EDARADD: variants seen among roughly 807,000 people sequenced by gnomAD.
EDARADD encodes EDAR associated via death domain.
EDARADD carries 20 observed loss-of-function variants against 25.6 expected under a neutral mutation model. The ratio of observed to expected loss-of-function variants is 0.78; its 90% confidence interval spans 0.55 to 1.14. The LOEUF is 1.14. Among genes scored for constraint, EDARADD ranks in the 50% most tolerant of loss-of-function variants. The pLI is 0.00. For missense variants in EDARADD, 225 were observed against 270.1 expected (o/e 0.83, Z 1.17); for synonymous variants, 86 against 94.4 (o/e 0.91, Z 0.52).
intron 3 of EDARADD, among the ~76,000 whole-genome samples, chr1:236,426,188 A>G (rs1657915063): frequency 6.6e-6 from 1 of 152,044 alleles, no homozygotes; most frequent in African/African-American, 2.4e-5. Flanking sequence ...TGGGTTGCCC[A>G]GGCTGCTCTT....
At chr1:236,404,097 C>T (rs1014858011) in intron 1 of EDARADD, among the ~76,000 whole-genome samples, 2 of 152,202 alleles carry the variant, frequency 1.3e-5, no homozygotes, top group Non-Finnish European at 2.9e-5. Context: ...GCCTTGTCTC[C>T]GATGGGCTCA....
intron 3 of EDARADD, among the ~76,000 whole-genome samples, chr1:236,373,195 G>A (rs186638467): frequency 6.0e-5 from 9 of 148,870 alleles, no homozygotes; most frequent in Non-Finnish European, 8.9e-5. Context: ...GATTACAGGC[G>A]TGAGCCACCA....
In EDARADD at chr1:236,409,552, T is replaced by A. The variant is rs12084335; in HGVS notation, c.120+278T>A. ...TTTACCCACTTCCCTGGTTTTTTTT[T>A]ATTTCATTTTTCATTTTTATTTTTT... On this transcript the variant is annotated intron_variant, in intron 2 of 5. Coordinates refer to ENST00000334232, the MANE Select transcript of EDARADD (RefSeq NM_145861.4). Among the ~76,000 whole-genome samples the A allele has an allele frequency of 9.1e-3, 1,378 of 151,838 alleles. 14 individuals are homozygous for A. Among genetic ancestry groups the A allele is most frequent in the African/African-American group, 0.028 (1,139 of 41,232 alleles).
intron 4 of EDARADD, among the ~76,000 whole-genome samples, chr1:236,450,571 CAG>C (rs1451152800): frequency 2.1e-5 from 2 of 95,560 alleles, no homozygotes; most frequent in Non-Finnish European, 3.7e-5. Flanking sequence ...TTCTTTGAGA[CAG>C]AGTCTTGCTC....
chr1:236,353,981 C>T (rs1355385475), intron 3 of EDARADD, among the ~76,000 whole-genome samples: 1 of 152,020 alleles, frequency 6.6e-6, no homozygotes, highest in Admixed American at 6.6e-5. Flanking sequence ...ATTTAAAGCT[C>T]GTTAGTTCTC....
chr1:236,393,126 C>T (rs1192474627), upstream of EDARADD, among the ~76,000 whole-genome samples: 4 of 152,142 alleles, frequency 2.6e-5, no homozygotes, highest in African/African-American at 9.7e-5. Flanking sequence ...TTCTCACAAT[C>T]CTGCAGACAC....
At chr1:236,448,525 C>T (rs1040972684) in intron 4 of EDARADD, among the ~76,000 whole-genome samples, 32 of 152,264 alleles carry the variant, frequency 2.1e-4, no homozygotes, top group African/African-American at 6.7e-4. Flanking sequence ...CTCCCAAAAC[C>T]CTTTCCCCAT....
At chr1:236,454,018 G>C (rs182313503) in intron 4 of EDARADD, among the ~76,000 whole-genome samples, 3 of 151,730 alleles carry the variant, frequency 2.0e-5, no homozygotes, top group Admixed American at 2.0e-4. Flanking sequence ...TATTTCCAAG[G>C]ATGCAGAGTT....
In EDARADD at chr1:236,453,007, C is replaced by T. The variant is rs78787141; in HGVS notation, c.220-15224C>T. On this transcript the variant is annotated intron_variant, in intron 4 of 5. Transcript: ENST00000334232. ...TGTCACGATGTGAGTACTTGCCCCC[C>T]ACTCCCACATAAGGTTGTATCTTTC... 3.0e-3 allele frequency among the ~76,000 whole-genome samples: 460 copies of T among 152,290 alleles called. 3 individuals carry two copies. Among genetic ancestry groups the T allele is most frequent in the African/African-American group, 0.01 (432 of 41,554 alleles).
At chr1:236,416,169 C>T (rs1241736387) in intron 3 of EDARADD, among the ~76,000 whole-genome samples, 1 of 152,208 alleles carries the variant, frequency 6.6e-6, no homozygotes, top group Non-Finnish European at 1.5e-5. Flanking sequence ...TCTCTGTTTC[C>T]TCCTCAGCAC....
chr1:236,445,234 C>CTTTTTTTTTTTTTT lies in EDARADD; in HGVS notation c.219+17795_219+17796insTTTTTTTTTTTTTT, dbSNP rs61333307. ...TGCATTAGCTGGGACATAATAAATTCTTTTTTTTTTTGAGACAGAGTCTTG... is the reference window on the plus strand; with the variant it reads ...TGCATTAGCTGGGACATAATAAATTCTTTTTTTTTTTTTTTTTTTTTTTTTGAGACAGAGTCTTG... On this transcript the variant is annotated intron_variant, in intron 4 of 5. Transcript: ENST00000334232. Among the ~76,000 whole-genome samples, 166 of 89,680 alleles carry CTTTTTTTTTTTTTT rather than the reference C, an allele frequency of 1.9e-3. 35 individuals are homozygous for CTTTTTTTTTTTTTT. The highest frequency in any genetic ancestry group is 5.1e-3 in the African/African-American group (143 of 28,302). The allele number at this position is 89,680 out of a possible 152,430, so 58.8% of individuals were successfully genotyped here.
chr1:236,402,087 G>T (rs1282352297), intron 1 of EDARADD, among the ~76,000 whole-genome samples: 8 of 152,130 alleles, frequency 5.3e-5, no homozygotes, highest in Non-Finnish European at 1.0e-4. Context: ...TCAGCTTCCT[G>T]AGTAGCTGAG....
intron 3 of EDARADD, among the ~76,000 whole-genome samples, chr1:236,376,088 C>G (rs2102994774): frequency 6.6e-6 from 1 of 151,982 alleles, no homozygotes; most frequent in East Asian, 2.0e-4. Flanking sequence ...GCATGCACCA[C>G]CATGCCCAGC....
At position 236,483,279 on chromosome 1, in the gene EDARADD, G is replaced by A; in HGVS notation, c.*630G>A. On this transcript the variant is annotated 3_prime_UTR_variant, in exon 6 of 6. Transcript: ENST00000334232. ...CTTCAGAGCTGCTGTGCCCAGTGGTGCTTCAACTGGTATCTATGAGGTCCT... is the reference window on the plus strand; with the variant it reads ...CTTCAGAGCTGCTGTGCCCAGTGGTACTTCAACTGGTATCTATGAGGTCCT... 6.3e-7 allele frequency: 1 copy of A among 1,599,616 alleles called. No individual in the cohort carries two copies. The highest frequency in any genetic ancestry group is 8.6e-7 in the Non-Finnish European group (1 of 1,169,288).
chr1:236,357,903 C>T (rs1207754300), intron 3 of EDARADD, among the ~76,000 whole-genome samples: 5 of 146,778 alleles, frequency 3.4e-5, no homozygotes, highest in Non-Finnish European at 6.0e-5. Context: ...GATGGAGTTT[C>T]GCTCTTTTGC....
intron 4 of EDARADD, among the ~76,000 whole-genome samples, chr1:236,440,157 C>T (rs1658362961): frequency 6.6e-6 from 1 of 152,122 alleles, no homozygotes; most frequent in African/African-American, 2.4e-5. Context: ...TGTTAAAAAT[C>T]AATAGACTAT....
chr1:236,406,969 T>G (rs11587797), intron 1 of EDARADD, among the ~76,000 whole-genome samples: 5,605 of 152,330 alleles, frequency 0.037, 149 homozygotes, highest in Non-Finnish European at 0.052. Flanking sequence ...CAATTTGTTT[T>G]TCATTTTCTT....
chr1:236,405,923 TTCTCTTTCC>T (rs1558112957), intron 1 of EDARADD, among the ~76,000 whole-genome samples: 1 of 48,244 alleles, frequency 2.1e-5, no homozygotes, highest in Non-Finnish European at 4.5e-5. Flanking sequence ...CTTTCTTTCT[TTCTCTTTCC>T]TTTTTTTTTT....
At chr1:236,394,989 AG>A (rs779998120) in intron 1 of EDARADD, among the ~76,000 whole-genome samples, 95 of 152,348 alleles carry the variant, frequency 6.2e-4, no homozygotes, top group African/African-American at 2.2e-3. Flanking sequence ...CTAATGCCAA[AG>A]AAAAATCAAA....
Sources: gnomAD v4.1 joint callset for allele counts (sites outside exome capture counted in the v4.1 genomes callset) on GRCh38, gnomAD v4.1.1 for gene constraint, MANE v1.5 for transcripts, NCBI Gene and HGNC (gene_info 2026-07-23, HGNC 2026-07-21) for gene names.